SGCZ: variants seen among roughly 807,000 people sequenced by gnomAD.
SGCZ encodes the protein zeta-sarcoglycan.
Under a neutral mutation model 41.3 loss-of-function variants are expected in SGCZ, and 40 were observed. The observed-to-expected ratio is 0.97, with a 90% CI of 0.75 to 1.26. SGCZ has a LOEUF of 1.26. Ranked by LOEUF, SGCZ falls within the 50% of genes most tolerant of loss-of-function variation. The pLI is 0.00. For synonymous variants in SGCZ, 206 were observed against 137.5 expected, an observed-to-expected ratio of 1.50 and a Z score of -3.49; for missense variants, 552 against 369.8, an observed-to-expected ratio of 1.49 and a Z score of -4.04.
intron 1 of SGCZ, among the ~76,000 whole-genome samples, chr8:15,231,920 C>G (rs564026965): frequency 1.3e-5 from 2 of 152,030 alleles, no homozygotes; most frequent in Non-Finnish European, 2.9e-5. Context: ...CCATGCCCGG[C>G]CTAAAATGAC....
intron 1 of SGCZ, among the ~76,000 whole-genome samples, chr8:14,574,692 A>G (rs1257825540): frequency 6.6e-6 from 1 of 152,226 alleles, no homozygotes; most frequent in Admixed American, 6.5e-5. Context: ...CTCCATGGTC[A>G]TGTAAAACTG....
At chr8:14,376,338 A>G (rs183353196) in intron 2 of SGCZ, among the ~76,000 whole-genome samples, 24 of 150,702 alleles carry the variant, frequency 1.6e-4, no homozygotes, top group African/African-American at 4.7e-4. Context: ...TAAAAAATAA[A>G]ATAAAAAAAA....
intron 2 of SGCZ, among the ~76,000 whole-genome samples, chr8:14,435,568 C>A (rs1259452365): frequency 2.0e-5 from 3 of 152,048 alleles, no homozygotes; most frequent in Non-Finnish European, 4.4e-5. Flanking sequence ...TTCTGAGCCA[C>A]GATAGTAAGT....
At chr8:14,579,853 G>C (rs1804829284) in intron 1 of SGCZ, among the ~76,000 whole-genome samples, 1 of 152,142 alleles carries the variant, frequency 6.6e-6, no homozygotes, top group African/African-American at 2.4e-5. Context: ...TCTACATTTA[G>C]ATAAAGAGAC....
intron 1 of SGCZ, among the ~76,000 whole-genome samples, chr8:14,806,211 G>A (rs894418012): frequency 4.0e-5 from 6 of 151,486 alleles, no homozygotes; most frequent in African/African-American, 1.2e-4. Flanking sequence ...GCTAGCAGAA[G>A]GCAAGAAATA....
chr8:14,088,350 T>G lies in SGCZ; in HGVS notation c.*2093A>C, dbSNP rs2116943898. On this transcript the variant is annotated 3_prime_UTR_variant, in exon 8 of 8. Transcript: ENST00000382080. ...AGGGCCAGTTCCTAATCAAAAGAAT[T>G]ATTCCCATTTGACTTAGAAAGTTTC... 6.6e-6 allele frequency among the ~76,000 whole-genome samples: 1 copy of G among 151,956 alleles called. No individual in the cohort carries two copies. The highest frequency in any genetic ancestry group is 6.6e-5 in the Admixed American group (1 of 15,236).
chr8:15,175,884 CATGTT>C (rs1227239010), intron 1 of SGCZ, among the ~76,000 whole-genome samples: 1 of 152,050 alleles, frequency 6.6e-6, no homozygotes, highest in Non-Finnish European at 1.5e-5. Context: ...GGAGAAGACT[CATGTT>C]AGGAACAGAA....
rs574823212 is a variant in SGCZ, at chr8:14,802,853, C to G, written c.40-247927G>C. The stretch of plus-strand genomic sequence containing the variant: ...AAATGGCTCATTAACACCAAAGCAT[C>G]CTGTTACAGGCACTCAACTCACAGC... On this transcript the variant is annotated intron_variant, in intron 1 of 7. Transcript: ENST00000382080. Among the ~76,000 whole-genome samples the G allele has an allele frequency of 2.6e-5, 4 of 152,228 alleles. No individual in the cohort carries two copies. The East Asian group carries it at 5.8e-4, about 22-fold the overall frequency.
intron 1 of SGCZ, among the ~76,000 whole-genome samples, chr8:14,774,008 T>A (rs779917878): frequency 4.6e-5 from 7 of 152,190 alleles, no homozygotes; most frequent in Non-Finnish European, 1.0e-4. Flanking sequence ...AGTGACAACT[T>A]GGTTGGACCA....
intron 6 of SGCZ, among the ~76,000 whole-genome samples, chr8:14,103,738 T>C (rs961184707): frequency 1.3e-5 from 2 of 151,834 alleles, no homozygotes; most frequent in African/African-American, 4.8e-5. Flanking sequence ...CCTGGAGGGG[T>C]GAGGTTTTGA....
At chr8:14,959,978 A>C (rs564450682) in intron 1 of SGCZ, among the ~76,000 whole-genome samples, 1 of 152,158 alleles carries the variant, frequency 6.6e-6, no homozygotes, top group Non-Finnish European at 1.5e-5. Context: ...AAAGTCTTCT[A>C]TTTCAGAGCT....
At chr8:15,001,222 C>A (rs1382812292) in intron 1 of SGCZ, among the ~76,000 whole-genome samples, 1 of 152,154 alleles carries the variant, frequency 6.6e-6, no homozygotes, top group Non-Finnish European at 1.5e-5. Context: ...AGACTGCTAA[C>A]GTGAGGATGA....
At chr8:14,376,109 C>T (rs545416167) in intron 2 of SGCZ, among the ~76,000 whole-genome samples, 103 of 152,134 alleles carry the variant, frequency 6.8e-4, no homozygotes, top group South Asian at 5.0e-3. Flanking sequence ...GTCTGGAGTT[C>T]GAGACCAGAC....
chr8:14,726,912 TA>T (rs1365522782), intron 1 of SGCZ, among the ~76,000 whole-genome samples: 1 of 151,944 alleles, frequency 6.6e-6, no homozygotes, highest in African/African-American at 2.4e-5. Flanking sequence ...AGTATTAAGG[TA>T]AAAAACTTAT....
intron 1 of SGCZ, among the ~76,000 whole-genome samples, chr8:14,581,410 G>A (rs1266973540): frequency 2.6e-5 from 4 of 151,806 alleles, no homozygotes; most frequent in Admixed American, 6.6e-5. Context: ...CACTGCGCCC[G>A]GCCTTTGCTT....
intron 2 of SGCZ, among the ~76,000 whole-genome samples, chr8:14,393,775 A>G (rs1382110304): frequency 6.6e-6 from 1 of 152,164 alleles, no homozygotes; most frequent in Non-Finnish European, 1.5e-5. Context: ...CAGCCGCTTC[A>G]ATATCCTATA....
rs560664253 is a variant in SGCZ, at chr8:15,158,195, C to A, written c.39+79390G>T. 9.1e-4 allele frequency among the ~76,000 whole-genome samples: 138 copies of A among 151,954 alleles called. 1 individual carries two copies. The highest frequency in any genetic ancestry group is 3.4e-3 in the Middle Eastern group (1 of 294). On this transcript the variant is annotated intron_variant, in intron 1 of 7. Coordinates refer to ENST00000382080, the MANE Select transcript of SGCZ (RefSeq NM_139167.4). ...AAAAAAAATGGTGAAAAGATATAGT[C>A]CCCATTCATCAGGGAATCCCTTTCC...
chr8:14,480,772 ATTC>A (rs781463131), intron 2 of SGCZ, among the ~76,000 whole-genome samples: 22 of 152,056 alleles, frequency 1.4e-4, no homozygotes, highest in Non-Finnish European at 2.5e-4. Context: ...ACATAATTGT[ATTC>A]TTCTATATTT....
chr8:15,055,821 C>T (rs1490966095), intron 1 of SGCZ, among the ~76,000 whole-genome samples: 1 of 152,194 alleles, frequency 6.6e-6, no homozygotes. Flanking sequence ...CATCCACGAA[C>T]CCAGCCTGAT....
Sources: allele counts gnomAD v4.1 joint callset (sites outside exome capture counted in the v4.1 genomes callset), GRCh38; gene constraint gnomAD v4.1.1; transcripts MANE v1.5; gene names NCBI Gene and HGNC (gene_info 2026-07-23, HGNC 2026-07-21).